Variants in PRKAG2 observed in about 807,000 individuals in gnomAD.
PRKAG2 encodes the protein protein kinase AMP-activated non-catalytic subunit gamma 2, also known as 5'-AMP-activated protein kinase subunit gamma-2.
In PRKAG2, 26 loss-of-function variants were observed where a neutral mutation model predicts 69.6. The observed-to-expected ratio is 0.37, with a 90% CI of 0.27 to 0.52. PRKAG2 has a LOEUF of 0.52. Among genes scored for constraint, PRKAG2 ranks in the 20% least tolerant of loss-of-function variants. PRKAG2 has a pLI of 0.90. For missense variants in PRKAG2, 557 were observed against 740.0 expected (o/e 0.75, Z 2.87); for synonymous variants, 293 against 285.0 (o/e 1.03, Z -0.28).
intron 3 of PRKAG2, among the ~76,000 whole-genome samples, 197 bp from the exon 4 acceptor site, chr7:151,675,834 G>A (rs1348135364): frequency 1.3e-5 from 2 of 148,634 alleles, no homozygotes; most frequent in Non-Finnish European, 2.9e-5. Flanking sequence ...CGCCATGGCA[G>A]AGGGAGGCTC....
intron 3 of PRKAG2, among the ~76,000 whole-genome samples, chr7:151,759,980 C>T (rs1247471263): frequency 6.6e-6 from 1 of 152,212 alleles, no homozygotes; most frequent in African/African-American, 2.4e-5. Context: ...AGCGGCTGTC[C>T]CAAGATGTGG....
chr7:151,876,028 C>T (rs1210180720), intron 1 of PRKAG2, among the ~76,000 whole-genome samples: 1 of 149,860 alleles, frequency 6.7e-6, no homozygotes, highest in African/African-American at 2.5e-5. Flanking sequence ...CTACACAGCT[C>T]CCCCCAACCC....
rs115578739 is a variant in PRKAG2, at chr7:151,759,838, C to T, written c.466+21314G>A. ...TACTCTCTCACCCAGACTTTTTCTA[C>T]GAGTGAACTCAGATGTAAACAGACA... On this transcript the variant is annotated intron_variant, in intron 3 of 15. Transcript: ENST00000287878. Among the ~76,000 whole-genome samples, 349 of 152,316 alleles carry T rather than the reference C, an allele frequency of 2.3e-3. 1 individual carries two copies. Among genetic ancestry groups the T allele is most frequent in the African/African-American group, 7.6e-3 (314 of 41,562 alleles).
rs190993085 is a variant in PRKAG2 at position 151,773,557 on chromosome 7, A to G, written c.466+7595T>C. Among the ~76,000 whole-genome samples the G allele has an allele frequency of 2.2e-3, 330 of 152,354 alleles. 1 individual carries two copies. The highest frequency in any genetic ancestry group is 6.6e-3 in the African/African-American group (274 of 41,582). On this transcript the variant is annotated intron_variant, in intron 3 of 15. Coordinates refer to ENST00000287878, the MANE Select transcript of PRKAG2 (RefSeq NM_016203.4). ...AAGAGTTGCTATGAAGATTGAAAGA[A>G]TTACATACAATGCACTTAGAACACA...
chr7:151,742,590 C>T (rs1030465689), intron 3 of PRKAG2, among the ~76,000 whole-genome samples: 6 of 151,682 alleles, frequency 4.0e-5, no homozygotes. Context: ...TGCCACTGCA[C>T]TCCAGCCTGT....
chr7:151,865,640 C>T (rs1019354557), intron 1 of PRKAG2, among the ~76,000 whole-genome samples: 21 of 152,126 alleles, frequency 1.4e-4, no homozygotes, highest in African/African-American at 3.6e-4. Flanking sequence ...TTCCTGATTC[C>T]GAGTGTAGTG....
chr7:151,678,899 C>T (rs1833384710), intron 3 of PRKAG2, among the ~76,000 whole-genome samples: 1 of 151,996 alleles, frequency 6.6e-6, no homozygotes, highest in Non-Finnish European at 1.5e-5. Flanking sequence ...GCGGAGGTTG[C>T]AGTGAGCTGA....
intron 1 of PRKAG2, among the ~76,000 whole-genome samples, chr7:151,829,666 T>C (rs1428970943): frequency 2.0e-5 from 3 of 152,028 alleles, no homozygotes; most frequent in Non-Finnish European, 4.4e-5. Flanking sequence ...CACGGTATAT[T>C]CATACAATGG....
rs1806444890 is a variant in PRKAG2, at chr7:151,567,157, G to T, written c.1234-1272C>A. ...CTACCACTTAGTATCCACATGACTG[G>T]GGGCACGTTTCCCAGCCAGGTGTCC... On this transcript the variant is annotated intron_variant, in intron 11 of 15. Transcript: ENST00000287878. The surrounding 1 kb of genome is among the most constrained non-coding windows in gnomAD (Gnocchi z 4.2). Among the ~76,000 whole-genome samples, 1 of 152,102 alleles carries T rather than the reference G, an allele frequency of 6.6e-6. No homozygotes were observed. The highest frequency in any genetic ancestry group is 2.1e-4 in the South Asian group (1 of 4,824).
chr7:151,808,414 A>G (rs144836501), intron 1 of PRKAG2, among the ~76,000 whole-genome samples: 1,639 of 152,318 alleles, frequency 0.011, 32 homozygotes, highest in African/African-American at 0.038. Context: ...ACTGTAGGCA[A>G]GAAGGCCCAT....
At chr7:151,845,192 G>A (rs941110711) in intron 1 of PRKAG2, among the ~76,000 whole-genome samples, 4 of 151,712 alleles carry the variant, frequency 2.6e-5, no homozygotes, top group South Asian at 2.1e-4. Context: ...TCTTCACCCC[G>A]ACAGCCTCTT....
intron 1 of PRKAG2, among the ~76,000 whole-genome samples, chr7:151,790,140 T>C (rs191753158): frequency 3.8e-4 from 58 of 152,278 alleles, no homozygotes; most frequent in African/African-American, 9.9e-4. Context: ...GCCCCCAGCA[T>C]GAAGCCCGGC....
At chr7:151,769,155 G>T (rs1389880445) in intron 3 of PRKAG2, among the ~76,000 whole-genome samples, 1 of 152,222 alleles carries the variant, frequency 6.6e-6, no homozygotes, top group Non-Finnish European at 1.5e-5. Flanking sequence ...CAGGCAGAAA[G>T]GCTGTGAACA....
intron 4 of PRKAG2, among the ~76,000 whole-genome samples, chr7:151,648,199 A>ACAGGTGTCATTCTATCAT (rs1219583369): frequency 1.3e-5 from 2 of 152,164 alleles, no homozygotes; most frequent in African/African-American, 4.8e-5. Context: ...CAAACTTTGG[A>ACAGGTGTCATTCTATCAT]CAGGTGTCAT....
At chr7:151,832,979 G>A (rs1457386662) in intron 1 of PRKAG2, among the ~76,000 whole-genome samples, 1 of 152,176 alleles carries the variant, frequency 6.6e-6, no homozygotes, top group East Asian at 1.9e-4. Context: ...GAGGAGGTGG[G>A]CAGATCAGGT....
intron 1 of PRKAG2, among the ~76,000 whole-genome samples, chr7:151,868,958 A>C (rs1265911126): frequency 6.6e-6 from 1 of 152,266 alleles, no homozygotes; most frequent in African/African-American, 2.4e-5. Context: ...GCGAAGTCTG[A>C]GTAGATGAAG....
rs113401255 is a variant in PRKAG2 at position 151,615,799 on chromosome 7, C to G, written c.754+16270G>C. Among the ~76,000 whole-genome samples, 9 of 152,252 alleles carry G rather than the reference C, an allele frequency of 5.9e-5. 1 individual carries two copies. The highest frequency in any genetic ancestry group is 2.2e-4 in the African/African-American group (9 of 41,548). ...CAAAAGAAGACATACACATGGCTAA[C>G]AAGAATATGAAAAAAAGCTCAACAC... On this transcript the variant is annotated intron_variant, in intron 5 of 15. Transcript: ENST00000287878.
chr7:151,794,477 G>C (rs1436807672), intron 1 of PRKAG2, among the ~76,000 whole-genome samples: 1 of 152,254 alleles, frequency 6.6e-6, no homozygotes, highest in Non-Finnish European at 1.5e-5. Context: ...GTCATCAAAG[G>C]CCCTTCCCGC....
chr7:151,589,169 G>A (rs1409238801), intron 6 of PRKAG2, among the ~76,000 whole-genome samples: 1 of 152,238 alleles, frequency 6.6e-6, no homozygotes, highest in Non-Finnish European at 1.5e-5. Flanking sequence ...GCTCCCGTGA[G>A]CTCCACCCAG....
Sources: allele counts gnomAD v4.1 joint callset (sites outside exome capture counted in the v4.1 genomes callset), GRCh38; gene constraint gnomAD v4.1.1; non-coding constraint Gnocchi (gnomAD v3.1); transcripts MANE v1.5; gene names NCBI Gene and HGNC (gene_info 2026-07-23, HGNC 2026-07-21).